The following IL1R2 variants were observed in gnomAD, a reference collection of about 807,000 sequenced individuals.
The protein encoded by IL1R2 is interleukin 1 receptor type 2.
A neutral mutation model predicts 39.5 loss-of-function variants in IL1R2; 46 were observed. The observed-to-expected ratio is 1.16, with a 90% CI of 0.92 to 1.49. The LOEUF (loss-of-function observed/expected upper bound fraction) is 1.49, where lower values mean the gene tolerates loss of function less well. IL1R2 is among the 40% of genes most tolerant of loss of function. The pLI, the probability that IL1R2 is intolerant of heterozygous loss-of-function variation, is 0.00. For missense variants in IL1R2, 537 were observed against 502.0 expected (o/e 1.07, Z -0.67); for synonymous variants, 207 against 189.6 (o/e 1.09, Z -0.75).
At chr2:102,006,453 T>C (rs1406731463) in intron 1 of IL1R2, among the ~76,000 whole-genome samples, 3 of 152,074 alleles carry the variant, frequency 2.0e-5, no homozygotes, top group Non-Finnish European at 4.4e-5. Flanking sequence ...TAACTCTGAG[T>C]CCTTGGACTC....
At chr2:102,019,846 T>G in intron 5 of IL1R2, 34 bp downstream of exon 5, 1 of 1,566,206 alleles carries the variant, frequency 6.4e-7, no homozygotes, top group Non-Finnish European at 8.7e-7. Flanking sequence ...CTATCTATCC[T>G]GGTTCAATAA....
At chr2:102,013,558 G>GAAAAAAAAAAAA (rs1676788000) in intron 3 of IL1R2, among the ~76,000 whole-genome samples, 1 of 33,742 alleles carries the variant, frequency 3.0e-5, no homozygotes. Flanking sequence ...AAAAAGGAAA[G>GAAAAAAAAAAAA]AAAGAAAAGA....
chr2:102,019,325 G>A (rs1479733726), intron 4 of IL1R2, among the ~76,000 whole-genome samples: 3 of 152,196 alleles, frequency 2.0e-5, no homozygotes, highest in Non-Finnish European at 4.4e-5. Flanking sequence ...TAGCAGTCAG[G>A]ACATAAACAT....
At chr2:102,015,430 C>A (rs966677216) in intron 3 of IL1R2, among the ~76,000 whole-genome samples, 2 of 152,130 alleles carry the variant, frequency 1.3e-5, no homozygotes, top group Non-Finnish European at 2.9e-5. Context: ...AGATGTTCCT[C>A]GACTTACAAT....
At chr2:102,011,478 A>AATG (rs1176971053) in intron 3 of IL1R2, among the ~76,000 whole-genome samples, 5 of 152,336 alleles carry the variant, frequency 3.3e-5, no homozygotes, top group Admixed American at 6.5e-5. Context: ...CCACGTTCCT[A>AATG]ATGATTAGCG....
chr2:102,001,897 G>C (rs1675879371), intron 1 of IL1R2: 1 of 152,188 alleles, frequency 6.6e-6, no homozygotes, highest in Non-Finnish European at 1.5e-5. Context: ...GTGACTCAGT[G>C]ATAGGTGTAA....
intron 3 of IL1R2, among the ~76,000 whole-genome samples, chr2:102,012,935 TG>T (rs2150440347): frequency 6.6e-6 from 1 of 152,302 alleles, no homozygotes; most frequent in African/African-American, 2.4e-5. Context: ...TTGACTTTTA[TG>T]GGTGTTAGTT....
chr2:102,019,313 G>A (rs2150451488), intron 4 of IL1R2, among the ~76,000 whole-genome samples: 1 of 152,300 alleles, frequency 6.6e-6, no homozygotes, highest in East Asian at 1.9e-4. Context: ...AAGGCCTGAA[G>A]GTAGCAGTCA....
intron 7 of IL1R2, among the ~76,000 whole-genome samples, chr2:102,025,251 A>T (rs1677660422): frequency 6.6e-6 from 1 of 152,252 alleles, no homozygotes; most frequent in African/African-American, 2.4e-5. Flanking sequence ...CAACATTCCA[A>T]ATTGTAACTC....
chr2:102,024,807 A>C (rs1677635857), intron 7 of IL1R2, 139 bp downstream of exon 7: 2 of 1,118,068 alleles, frequency 1.8e-6, no homozygotes, highest in African/African-American at 3.1e-5. Context: ...GAATTTAAAA[A>C]ATTGTATTTT....
intron 5 of IL1R2, chr2:102,021,975 C>T (rs553763074): frequency 1.2e-4 from 66 of 556,832 alleles, no homozygotes; most frequent in South Asian, 6.6e-4. Context: ...TGGCTGTGGC[C>T]TCTTCCAGTA....
intron 1 of IL1R2, among the ~76,000 whole-genome samples, chr2:101,999,674 T>G (rs1416743517): frequency 6.6e-6 from 1 of 152,176 alleles, no homozygotes; most frequent in East Asian, 1.9e-4. Context: ...ACTCAGAGAT[T>G]GAGCAAATGA....
At chr2:102,025,398 A>G (rs1019238024) in intron 7 of IL1R2, among the ~76,000 whole-genome samples, 2 of 152,232 alleles carry the variant, frequency 1.3e-5, no homozygotes, top group African/African-American at 4.8e-5. Flanking sequence ...TGGGTAGCAC[A>G]ATCATGTGCT....
At chr2:101,999,829 T>A (rs1675761384) in intron 1 of IL1R2, among the ~76,000 whole-genome samples, 1 of 152,206 alleles carries the variant, frequency 6.6e-6, no homozygotes, top group Non-Finnish European at 1.5e-5. Flanking sequence ...TGTGTATGCA[T>A]CTGTATGTAT....
chr2:102,009,702 C>T lies in IL1R2; in HGVS notation c.208C>T (p.His70Tyr), dbSNP rs1235785421. The change falls in exon 3 of 9, where the codon CAT (histidine) becomes TAT (tyrosine). Residue 70 changes from histidine to tyrosine, a missense_variant. Physicochemically the swap from His to Tyr is moderately conservative, Grantham distance 83. Transcript: ENST00000332549. ...SVSPRINLTW[H>Y]KNDSARTVPG... ...CAGCCCCCGCATCAACCTGACATGG[C>T]ATAAAAATGACTCTGCTAGGACGGT... 1 of 1,614,200 alleles carries T rather than the reference C, an allele frequency of 6.2e-7. No individual in the cohort carries two copies. Among genetic ancestry groups the T allele is most frequent in the Non-Finnish European group, 8.5e-7 (1 of 1,180,034 alleles).
At chr2:102,017,756 TGTTGTA>T (rs1322103840) in intron 4 of IL1R2, among the ~76,000 whole-genome samples, 4 of 146,080 alleles carry the variant, frequency 2.7e-5, no homozygotes, top group East Asian at 2.1e-4. Context: ...CACATCCTCT[TGTTGTA>T]GTACTGTCTG....
At chr2:102,001,608 G>C (rs555340178) in intron 1 of IL1R2, among the ~76,000 whole-genome samples, 1 of 152,202 alleles carries the variant, frequency 6.6e-6, no homozygotes, top group Non-Finnish European at 1.5e-5. Flanking sequence ...AACTCATCTA[G>C]GTTTTTGTTT....
chr2:102,009,231 A>C (rs2150434415), intron 2 of IL1R2, among the ~76,000 whole-genome samples: 1 of 152,320 alleles, frequency 6.6e-6, no homozygotes, highest in African/African-American at 2.4e-5. Flanking sequence ...ATGATGAGAA[A>C]TCAGCCAGTG....
Position 102,019,234 on chromosome 2 carries a change from G to A in IL1R2, c.514-404G>A, listed in dbSNP as rs189507883. 7.2e-5 allele frequency among the ~76,000 whole-genome samples: 11 copies of A among 152,240 alleles called. 1 individual carries two copies. The East Asian group carries it at 1.5e-3, about 21-fold the overall frequency. On this transcript the variant is annotated intron_variant, in intron 4 of 8. Transcript: ENST00000332549. ...TGCTTTTTAAAGTAATTACTGCAACGTCATCTCTTCTGAGCATTGTTGTCC... is the reference window on the plus strand; with the variant it reads ...TGCTTTTTAAAGTAATTACTGCAACATCATCTCTTCTGAGCATTGTTGTCC...
Sources: allele counts gnomAD v4.1 joint callset (sites outside exome capture counted in the v4.1 genomes callset), GRCh38; gene constraint gnomAD v4.1.1; transcripts MANE v1.5; gene names NCBI Gene and HGNC (gene_info 2026-07-23, HGNC 2026-07-21).